USP34: variants seen among roughly 807,000 people sequenced by gnomAD.
USP34 encodes the protein ubiquitin specific peptidase 34, also known as ubiquitin carboxyl-terminal hydrolase 34.
In USP34, 70 loss-of-function variants were observed where a neutral mutation model predicts 460.3. That is an observed-to-expected ratio of 0.15 (90% CI 0.13 to 0.19). The LOEUF is 0.19. Among genes scored for constraint, USP34 ranks in the 10% least tolerant of loss-of-function variants. USP34 has a pLI of 1.00. For synonymous variants in USP34, 1,647 were observed against 1,405.3 expected (o/e 1.17, Z -3.85); for missense variants, 3,985 against 4,236.2 (o/e 0.94, Z 1.65).
At chr2:61,435,963 G>A (rs934427598) in intron 1 of USP34, among the ~76,000 whole-genome samples, 1 of 152,054 alleles carries the variant, frequency 6.6e-6, no homozygotes, top group Admixed American at 6.6e-5. Flanking sequence ...GGGAGGCGGA[G>A]GCTGCAGTAA....
At chr2:61,327,698 C>T (rs753174561) in intron 20 of USP34, among the ~76,000 whole-genome samples, 2 of 152,176 alleles carry the variant, frequency 1.3e-5, no homozygotes, top group Non-Finnish European at 2.9e-5. Flanking sequence ...TGTACTCCCA[C>T]AGTATAGCCC....
chr2:61,254,654 T>TG (rs1330471032), intron 48 of USP34, among the ~76,000 whole-genome samples: 1 of 152,258 alleles, frequency 6.6e-6, no homozygotes, highest in Non-Finnish European at 1.5e-5. Flanking sequence ...TGCCATTTTA[T>TG]GGCTCTTAAG....
At chr2:61,380,061 ATACT>A (rs995609744) in intron 7 of USP34, 104 bp downstream of exon 7, 1 of 887,654 alleles carries the variant, frequency 1.1e-6, no homozygotes, top group African/African-American at 1.7e-5. Context: ...TCCACATAAA[ATACT>A]TAGCACAATG....
intron 2 of USP34, 96 bp from the exon 3 acceptor site, chr2:61,406,224 CTA>C: frequency 8.9e-7 from 1 of 1,121,466 alleles, no homozygotes; most frequent in South Asian, 1.9e-5. Flanking sequence ...TAAGTTATTT[CTA>C]GACTTGTTTT....
chr2:61,240,853 C>T (rs946704671), intron 53 of USP34, among the ~76,000 whole-genome samples: 1 of 152,172 alleles, frequency 6.6e-6, no homozygotes, highest in East Asian at 1.9e-4. Context: ...GGATTATAGG[C>T]ATGAGCCACT....
chr2:61,395,160 GAAT>G lies in USP34; in HGVS notation c.603+20_603+22del. ...TAAAAAAATAAAATTTTCCATAAAA[GAAT>G]AAAAAAGGTAAACACTTACATTCAT... On this transcript the variant is annotated intron_variant, in intron 4 of 79. Transcript: ENST00000398571. The G allele has an allele frequency of 6.7e-7, 1 of 1,481,672 alleles. No homozygotes were observed. The highest frequency in any genetic ancestry group is 9.2e-7 in the Non-Finnish European group (1 of 1,091,814). 91.8% of individuals were successfully genotyped at this position (1,481,672 alleles called of 1,614,324 possible). A position where few individuals can be genotyped will look rare whatever the true frequency, so the allele number is the denominator to read the frequency against.
At chr2:61,398,312 A>G (rs1046824915) in intron 3 of USP34, among the ~76,000 whole-genome samples, 1 of 151,858 alleles carries the variant, frequency 6.6e-6, no homozygotes, top group Non-Finnish European at 1.5e-5. Flanking sequence ...GGCTGCAATG[A>G]GCCATGTTCA....
chr2:61,297,009 T>A, intron 29 of USP34, 84 bp from the exon 30 acceptor site: 1 of 1,490,820 alleles, frequency 6.7e-7, no homozygotes, highest in Non-Finnish European at 9.0e-7. Context: ...AAAGTAATGA[T>A]CAAATTTGCT....
chr2:61,436,489 A>T (rs1345614424), intron 1 of USP34, among the ~76,000 whole-genome samples: 1 of 152,238 alleles, frequency 6.6e-6, no homozygotes, highest in Non-Finnish European at 1.5e-5. Flanking sequence ...TAAAGGCATC[A>T]ATTCAGTAAG....
chr2:61,346,021 CA>C (rs904790018), intron 15 of USP34, among the ~76,000 whole-genome samples: 1 of 152,054 alleles, frequency 6.6e-6, no homozygotes. Context: ...CACAGATAAC[CA>C]AAAAGTTTTA....
chr2:61,401,540 ATTTTTTTTTTTTTT>A lies in USP34; in HGVS notation c.552+4154_552+4167del, dbSNP rs1156550372. ...GGTGTGAGCCACTGTACCTGGCCCT[ATTTTTTTTTTTTTT>A]TTTTTTTTTTTTGAGACAGAGTCTC... On this transcript the variant is annotated intron_variant, in intron 3 of 79. Coordinates refer to ENST00000398571, the MANE Select transcript of USP34 (RefSeq NM_014709.4). Among the ~76,000 whole-genome samples the A allele has an allele frequency of 8.3e-4, 52 of 62,442 alleles. No homozygotes were observed. In the East Asian group the frequency reaches 0.021, roughly 26 times the overall value. 41.0% of individuals were successfully genotyped at this position (62,442 alleles called of 152,430 possible). A position where few individuals can be genotyped will look rare whatever the true frequency, so the allele number is the denominator to read the frequency against.
chr2:61,395,698 A>G (rs1400280390), intron 3 of USP34, among the ~76,000 whole-genome samples: 1 of 146,128 alleles, frequency 6.8e-6, no homozygotes, highest in Non-Finnish European at 1.5e-5. Flanking sequence ...AGGCAGGAGA[A>G]TGGCGTGAAC....
Position 61,223,659 on chromosome 2 carries a change from A to G in USP34, c.7596-363T>C, listed in dbSNP as rs1687652680. ...TCATCTCCCAGTTTAAAATTACTGTATATTTCTTCCTTTTTTTCTTTCCTT... is the reference window on the plus strand; with the variant it reads ...TCATCTCCCAGTTTAAAATTACTGTGTATTTCTTCCTTTTTTTCTTTCCTT... On this transcript the variant is annotated intron_variant, in intron 62 of 79. Coordinates refer to ENST00000398571, the MANE Select transcript of USP34 (RefSeq NM_014709.4). 2.6e-5 allele frequency: 5 copies of G among 195,182 alleles called. No homozygotes were observed. In the South Asian group the frequency reaches 2.8e-4, roughly 11 times the overall value. 12.1% of individuals were successfully genotyped at this position (195,182 alleles called of 1,614,324 possible). A position where few individuals can be genotyped will look rare whatever the true frequency, so the allele number is the denominator to read the frequency against.
At chr2:61,323,044 G>C (rs995003487) in intron 21 of USP34, among the ~76,000 whole-genome samples, 1 of 152,092 alleles carries the variant, frequency 6.6e-6, no homozygotes, top group Admixed American at 6.5e-5. Flanking sequence ...ATATAACTTT[G>C]AAGTAACTTC....
At chr2:61,433,705 C>A (rs1206174374) in intron 1 of USP34, among the ~76,000 whole-genome samples, 1 of 152,116 alleles carries the variant, frequency 6.6e-6, no homozygotes, top group South Asian at 2.1e-4. Context: ...TAGACAACTG[C>A]TGGAAATCCA....
At position 61,319,231 on chromosome 2, in the gene USP34, C is replaced by T. The variant is rs748590241; in HGVS notation, c.3110G>A (p.Arg1037Gln). ...ACCCATAGCATGTTGATCTTTACTT[C>T]GAACTTGATTTAAAAACCAATGGAG... ...DALHWFLNQV[R>Q]SKDQHAMGME... The change falls in exon 22 of 80, where the codon CGA becomes CAA. Residue 1037 changes from arginine to glutamine, a missense_variant. Around this residue, in one of 14 missense-constraint regions of USP34, gnomAD observed 1,114 missense variants for 1,122.5 expected, o/e 0.99. Coordinates refer to ENST00000398571, the MANE Select transcript of USP34 (RefSeq NM_014709.4). The T allele has an allele frequency of 3.8e-6, 6 of 1,592,444 alleles. No individual in the cohort carries two copies. The highest frequency in any genetic ancestry group is 2.3e-5 in the East Asian group (1 of 43,378).
chr2:61,434,083 C>A (rs1392306594), intron 1 of USP34, among the ~76,000 whole-genome samples: 1 of 152,160 alleles, frequency 6.6e-6, no homozygotes, highest in East Asian at 1.9e-4. Context: ...GTAGTGGAGG[C>A]CCGCAAGCCA....
Position 61,190,411 on chromosome 2 carries a change from G to T in USP34, c.9733C>A (p.Gln3245Lys). 1 of 1,602,234 alleles carries T rather than the reference G, an allele frequency of 6.2e-7. No individual in the cohort carries two copies. Among genetic ancestry groups the T allele is most frequent in the Non-Finnish European group, 8.5e-7 (1 of 1,176,496 alleles). ...TFMTHFLLKV[Q>K]SQVFSEANCA... ...TTTGCTTCAGAAAACACTTGACTTT[G>T]AACCTGAAAAAGAAGATTTAAAAAA... Residue 3245 changes from glutamine to lysine, a missense_variant, in exon 78 of 80, where the codon CAA becomes AAA. By Grantham distance (53) the Gln-to-Lys change is moderately conservative. This residue lies in a region of USP34 where 506 missense variants were observed against 439.0 expected (regional missense o/e 1.15). Transcript: ENST00000398571.
At chr2:61,398,478 A>C (rs1440583677) in intron 3 of USP34, among the ~76,000 whole-genome samples, 2 of 114,168 alleles carry the variant, frequency 1.8e-5, no homozygotes, top group African/African-American at 6.7e-5. Context: ...CGGGGGAAGG[A>C]GGCGGAAGCG....
Sources: allele counts gnomAD v4.1 joint callset (sites outside exome capture counted in the v4.1 genomes callset), GRCh38; gene constraint gnomAD v4.1.1; regional missense constraint gnomAD v4.1.1; transcripts MANE v1.5; gene names NCBI Gene and HGNC (gene_info 2026-07-23, HGNC 2026-07-21).